PLXDC2: variants seen among roughly 807,000 people sequenced by gnomAD.
PLXDC2 encodes the protein plexin domain-containing protein 2.
Under a neutral mutation model 68.9 loss-of-function variants are expected in PLXDC2, and 40 were observed. The observed-to-expected ratio is 0.58, with a 90% confidence interval of 0.45 to 0.76. The LOEUF (loss-of-function observed/expected upper bound fraction) is 0.76. Ranked by LOEUF, PLXDC2 falls within the 30% of genes least tolerant of loss-of-function variation. PLXDC2 has a pLI of 0.00. For missense variants in PLXDC2, 644 were observed against 661.9 expected, an observed-to-expected ratio of 0.97 and a Z score of 0.30; for synonymous variants, 243 against 234.2, an observed-to-expected ratio of 1.04 and a Z score of -0.34.
chr10:20,213,813 T>A (rs926833906), intron 10 of PLXDC2, among the ~76,000 whole-genome samples: 1 of 152,128 alleles, frequency 6.6e-6, no homozygotes, highest in Non-Finnish European at 1.5e-5. Flanking sequence ...TGGTTGGGTG[T>A]CAAGCTTGAT....
rs1836171860 is a variant in PLXDC2, at chr10:20,287,498, C to T, written c.*7679C>T. 6.6e-6 allele frequency: 1 copy of T among 152,078 alleles called. No homozygotes were observed. Among genetic ancestry groups the T allele is most frequent in the African/African-American group, 2.4e-5 (1 of 41,436 alleles). 9.4% of individuals were successfully genotyped at this position (152,078 alleles called of 1,614,324 possible). Reference sequence around the variant, plus strand: ...CTGGACATTTGTGGTGAAGCCTCAGCCACCATGTTCAAGGTGGTTTGAATG... The same window carrying T: ...CTGGACATTTGTGGTGAAGCCTCAGTCACCATGTTCAAGGTGGTTTGAATG... On this transcript the variant is annotated 3_prime_UTR_variant, in exon 14 of 14. Transcript: ENST00000377252.
At chr10:20,181,506 C>T (rs1162026151) in intron 9 of PLXDC2, among the ~76,000 whole-genome samples, 2 of 152,004 alleles carry the variant, frequency 1.3e-5, no homozygotes, top group Non-Finnish European at 2.9e-5. Flanking sequence ...GACTCGGCGG[C>T]CAGGAAAGGC....
intron 1 of PLXDC2, among the ~76,000 whole-genome samples, chr10:19,911,636 T>C (rs919228307): frequency 3.3e-5 from 5 of 152,152 alleles, no homozygotes; most frequent in African/African-American, 1.2e-4. Flanking sequence ...TTGTGAAAAC[T>C]GAAGACCCAG....
intron 2 of PLXDC2, among the ~76,000 whole-genome samples, chr10:20,026,090 T>C (rs1378282663): frequency 3.9e-5 from 6 of 152,160 alleles, no homozygotes; most frequent in African/African-American, 1.2e-4. Flanking sequence ...TTGAGTTCCT[T>C]TTCTGATTTC....
intron 1 of PLXDC2, among the ~76,000 whole-genome samples, chr10:19,820,696 T>G (rs2131993610): frequency 6.6e-6 from 1 of 152,006 alleles, no homozygotes; most frequent in South Asian, 2.1e-4. Context: ...TTTTGTCATT[T>G]TTTCCTAAAA....
intron 13 of PLXDC2, among the ~76,000 whole-genome samples, chr10:20,263,711 T>C (rs531180288): frequency 5.9e-5 from 9 of 152,004 alleles, no homozygotes; most frequent in South Asian, 2.1e-4. Flanking sequence ...CCAAAAAGCA[T>C]AGAAAAAAGC....
At chr10:19,992,707 C>T (rs1182810858) in intron 1 of PLXDC2, among the ~76,000 whole-genome samples, 1 of 152,088 alleles carries the variant, frequency 6.6e-6, no homozygotes, top group South Asian at 2.1e-4. Flanking sequence ...AAACAACAAC[C>T]AATATTACTG....
intron 4 of PLXDC2, among the ~76,000 whole-genome samples, chr10:20,127,559 A>G (rs1355415872): frequency 6.6e-6 from 1 of 152,218 alleles, no homozygotes; most frequent in Non-Finnish European, 1.5e-5. Context: ...AACATGTACA[A>G]TAAGGTATGA....
At chr10:20,239,629 G>T (rs752512752) in intron 12 of PLXDC2, among the ~76,000 whole-genome samples, 2 of 152,106 alleles carry the variant, frequency 1.3e-5, no homozygotes, top group Non-Finnish European at 2.9e-5. Context: ...CTCTCAACAC[G>T]TGGGGATTAC....
At chr10:19,959,591 A>C (rs564363883) in intron 1 of PLXDC2, among the ~76,000 whole-genome samples, 1 of 152,338 alleles carries the variant, frequency 6.6e-6, no homozygotes, top group East Asian at 1.9e-4. Context: ...ATACTTACTT[A>C]AATTAAATTT....
chr10:20,196,128 T>C (rs531570138), intron 9 of PLXDC2, among the ~76,000 whole-genome samples: 1 of 152,272 alleles, frequency 6.6e-6, no homozygotes, highest in Admixed American at 6.5e-5. Flanking sequence ...CTCACAGCCA[T>C]GGGGAGAGAT....
At chr10:20,256,462 C>CACTAAA (rs1195297689) in intron 13 of PLXDC2, among the ~76,000 whole-genome samples, 16 of 47,064 alleles carry the variant, frequency 3.4e-4, no homozygotes, top group Non-Finnish European at 1.2e-3. Context: ...ACTGAGACTG[C>CACTAAA]ACCAAATGTG....
chr10:19,944,017 C>T (rs1338873559), intron 1 of PLXDC2, among the ~76,000 whole-genome samples: 5 of 152,142 alleles, frequency 3.3e-5, no homozygotes, highest in Admixed American at 6.5e-5. Context: ...CTAATTTTTA[C>T]TTTCCCGTAG....
At chr10:20,132,265 G>T (rs560034645) in intron 4 of PLXDC2, among the ~76,000 whole-genome samples, 2 of 2,614 alleles carry the variant, frequency 7.7e-4, no homozygotes, top group Non-Finnish European at 6.5e-3. Context: ...TTGACCTAAC[G>T]TGGATCTATC....
intron 1 of PLXDC2, among the ~76,000 whole-genome samples, chr10:19,999,554 A>ACAAGGAT (rs1237688545): frequency 6.6e-6 from 1 of 152,088 alleles, no homozygotes; most frequent in Admixed American, 6.6e-5. Flanking sequence ...TGACATTCTA[A>ACAAGGAT]CAAGGATCCT....
intron 1 of PLXDC2, among the ~76,000 whole-genome samples, chr10:19,838,047 G>A (rs1836832790): frequency 6.6e-6 from 1 of 152,030 alleles, no homozygotes; most frequent in Admixed American, 6.6e-5. Context: ...TGCCCAGACT[G>A]GAGTGCAGTG....
chr10:20,187,621 G>A (rs1278493062), intron 9 of PLXDC2, among the ~76,000 whole-genome samples: 2 of 151,710 alleles, frequency 1.3e-5, no homozygotes, highest in Non-Finnish European at 2.9e-5. Flanking sequence ...TAATGGGTAA[G>A]GCTGCATGTC....
At position 20,140,400 on chromosome 10, in the gene PLXDC2, A is replaced by ATATG. The variant is rs745373141; in HGVS notation, c.542-2893_542-2892insTGTA. The stretch of plus-strand genomic sequence containing the variant: ...CCAGAAAAATAACATATATATATAT[A>ATATG]TAAAATATCTATCTATCTATCTATC... On this transcript the variant is annotated intron_variant, in intron 4 of 13. Transcript: ENST00000377252. Among the ~76,000 whole-genome samples the ATATG allele has an allele frequency of 3.6e-5, 3 of 83,326 alleles. No homozygotes were observed. The Admixed American group carries it at 3.8e-4, about 11-fold the overall frequency. 54.7% of individuals were successfully genotyped at this position (83,326 alleles called of 152,430 possible). A position where few individuals can be genotyped will look rare whatever the true frequency, so the allele number is the denominator to read the frequency against.
intron 1 of PLXDC2, among the ~76,000 whole-genome samples, chr10:19,990,262 A>G (rs1032393233): frequency 6.6e-5 from 10 of 152,182 alleles, no homozygotes; most frequent in Non-Finnish European, 1.2e-4. Flanking sequence ...AATTTTTAGC[A>G]AAATCCTGGC....
Sources: gnomAD v4.1 joint callset for allele counts (sites outside exome capture counted in the v4.1 genomes callset) on GRCh38, gnomAD v4.1.1 for gene constraint, MANE v1.5 for transcripts, NCBI Gene and HGNC (gene_info 2026-07-23, HGNC 2026-07-21) for gene names.